Variants in IARS1 observed in about 807,000 individuals in gnomAD.
IARS1 encodes isoleucine--tRNA ligase, cytoplasmic.
A neutral mutation model predicts 168.2 loss-of-function variants in IARS1; 124 were observed. That is an observed-to-expected ratio of 0.74 (90% CI 0.64 to 0.86). The LOEUF (loss-of-function observed/expected upper bound fraction) is 0.86, where lower values mean the gene tolerates loss of function less well. Among genes scored for constraint, IARS1 ranks in the 40% least tolerant of loss-of-function variants. The probability of loss-of-function intolerance (pLI) is 0.00; values close to 1 mark genes in which losing one functional copy is unlikely to be tolerated. For synonymous variants in IARS1, 532 were observed against 529.4 expected (o/e 1.00, Z -0.07); for missense variants, 1,452 against 1,515.8 (o/e 0.96, Z 0.70).
intron 26 of IARS1, among the ~76,000 whole-genome samples, 199 bp downstream of exon 26, chr9:92,247,178 A>G (rs1829320989): frequency 2.0e-5 from 3 of 152,148 alleles, no homozygotes; most frequent in Admixed American, 6.5e-5. Context: ...TGGATGACAG[A>G]GCGAGATTCT....
At chr9:92,225,322 T>C (rs1349387491) in intron 31 of IARS1, among the ~76,000 whole-genome samples, 2 of 152,228 alleles carry the variant, frequency 1.3e-5, no homozygotes, top group South Asian at 2.1e-4. Flanking sequence ...AAATGAAGTG[T>C]GGCATTATGT....
chr9:92,259,119 A>C, intron 18 of IARS1, 121 bp from the exon 19 acceptor site: 1 of 834,920 alleles, frequency 1.2e-6, no homozygotes, highest in Non-Finnish European at 1.8e-6. Context: ...GGGGGTAATT[A>C]TGAATACTCT....
intron 7 of IARS1, 128 bp from the exon 8 acceptor site, chr9:92,278,414 C>T (rs968252148): frequency 1.5e-6 from 1 of 680,696 alleles, no homozygotes; most frequent in African/African-American, 1.8e-5. Context: ...ACCCAGTACT[C>T]ACAGAGAAAT....
intron 12 of IARS1, among the ~76,000 whole-genome samples, 178 bp from the exon 13 acceptor site, chr9:92,270,161 T>C (rs1050490854): frequency 1.3e-5 from 2 of 152,098 alleles, no homozygotes; most frequent in African/African-American, 4.8e-5. Context: ...CTTTCCACAA[T>C]AGTAAGAAAG....
intron 27 of IARS1, among the ~76,000 whole-genome samples, 176 bp downstream of exon 27, chr9:92,244,783 C>A (rs1201537517): frequency 6.6e-6 from 1 of 152,154 alleles, no homozygotes; most frequent in Non-Finnish European, 1.5e-5. Flanking sequence ...TAAACAAATG[C>A]ATATGTTAAG....
intron 31 of IARS1, among the ~76,000 whole-genome samples, chr9:92,228,604 C>T (rs1425374478): frequency 2.0e-5 from 3 of 152,098 alleles, no homozygotes; most frequent in Non-Finnish European, 4.4e-5. Context: ...GTCCCAGTTA[C>T]TTGGGAGGTC....
rs191211575 is a variant in IARS1, at chr9:92,240,754, T to C, written c.3283+102A>G. On this transcript the variant is annotated intron_variant, in intron 30 of 33. Coordinates refer to ENST00000443024, the MANE Select transcript of IARS1 (RefSeq NM_002161.6). ...TCTATTAAACATGATTAAATAATTA[T>C]TCCAATTCTCTTAAAAACATCCATA... 1.1e-5 allele frequency: 8 copies of C among 737,282 alleles called. No homozygotes were observed. In the Admixed American group the frequency reaches 1.6e-4, roughly 15 times the overall value. 45.7% of individuals were successfully genotyped at this position (737,282 alleles called of 1,614,324 possible).
intron 18 of IARS1, 87 bp downstream of exon 18, chr9:92,260,064 C>A: frequency 2.2e-6 from 2 of 913,618 alleles, no homozygotes; most frequent in Non-Finnish European, 3.5e-6. Flanking sequence ...TAACTATAAA[C>A]CAAATCTAAG....
chr9:92,250,333 G>C (rs775309633), intron 23 of IARS1, 44 bp from the exon 24 acceptor site: 1 of 1,259,710 alleles, frequency 7.9e-7, no homozygotes. Context: ...AGATTTAAGA[G>C]GAGAAAATTG....
intron 33 of IARS1, among the ~76,000 whole-genome samples, chr9:92,216,251 C>T (rs1838664984): frequency 6.7e-6 from 1 of 149,138 alleles, no homozygotes; most frequent in East Asian, 2.0e-4. Context: ...CAGGCCTGCC[C>T]TAAAAGAGCT....
At chr9:92,286,184 A>T (rs1835427499) in intron 5 of IARS1, 1 of 280,844 alleles carries the variant, frequency 3.6e-6, no homozygotes, top group African/African-American at 2.2e-5. Flanking sequence ...CTGGCCAACA[A>T]GGTGAAACCC....
At chr9:92,260,593 T>G (rs997676872) in intron 17 of IARS1, among the ~76,000 whole-genome samples, 2 of 152,058 alleles carry the variant, frequency 1.3e-5, no homozygotes, top group Admixed American at 1.3e-4. Flanking sequence ...AGGCAGAGAT[T>G]GAAGTGAGCC....
chr9:92,216,295 C>T (rs1226557304), intron 33 of IARS1, among the ~76,000 whole-genome samples: 1 of 151,106 alleles, frequency 6.6e-6, no homozygotes, highest in Non-Finnish European at 1.5e-5. Flanking sequence ...AAAGGAACAA[C>T]CGGTACCAGC....
intron 33 of IARS1, among the ~76,000 whole-genome samples, chr9:92,221,833 T>TA (rs1037614757): frequency 2.0e-5 from 3 of 151,966 alleles, no homozygotes; most frequent in African/African-American, 7.3e-5. Context: ...TAAAGGGAGG[T>TA]ATAATGTCAG....
In IARS1 at chr9:92,243,318, G is replaced by A. The variant is rs1443386706; in HGVS notation, c.2905-7C>T. 1 of 1,586,040 alleles carries A rather than the reference G, an allele frequency of 6.3e-7. No individual in the cohort carries two copies. Among genetic ancestry groups the A allele is most frequent in the Non-Finnish European group, 8.7e-7 (1 of 1,154,554 alleles). On this transcript the variant is annotated splice_polypyrimidine_tract_variant and splice_region_variant and intron_variant, in intron 27 of 33. Coordinates refer to ENST00000443024, the MANE Select transcript of IARS1 (RefSeq NM_002161.6). ...CATCTAAGAGGACCAAAGCCTGTGGGAATGAACAGTGCACACCATGACAAT... is the reference window on the plus strand; with the variant it reads ...CATCTAAGAGGACCAAAGCCTGTGGAAATGAACAGTGCACACCATGACAAT...
intron 17 of IARS1, among the ~76,000 whole-genome samples, chr9:92,262,484 A>T (rs1831665092): frequency 6.6e-6 from 1 of 152,166 alleles, no homozygotes; most frequent in South Asian, 2.1e-4. Context: ...TAATAGCAAA[A>T]TGTGGGAAAT....
chr9:92,231,130 G>A (rs1028379143), intron 30 of IARS1, among the ~76,000 whole-genome samples: 1 of 152,104 alleles, frequency 6.6e-6, no homozygotes, highest in African/African-American at 2.4e-5. Context: ...AGTGTTTTGT[G>A]TCAAGGCTTT....
At chr9:92,254,460 C>T (rs182298875) in intron 20 of IARS1, among the ~76,000 whole-genome samples, 1 of 152,174 alleles carries the variant, frequency 6.6e-6, no homozygotes, top group Non-Finnish European at 1.5e-5. Context: ...AGCTAAGAGA[C>T]GAGAAGTTGC....
At chr9:92,285,090 T>C (rs561906909) in intron 6 of IARS1, among the ~76,000 whole-genome samples, 10 of 152,292 alleles carry the variant, frequency 6.6e-5, no homozygotes, top group Admixed American at 5.2e-4. Flanking sequence ...CAAGTCAACA[T>C]CCTTTAAAAA....
Sources: allele counts gnomAD v4.1 joint callset (sites outside exome capture counted in the v4.1 genomes callset), GRCh38; gene constraint gnomAD v4.1.1; transcripts MANE v1.5; gene names NCBI Gene and HGNC (gene_info 2026-07-23, HGNC 2026-07-21).